SETBP1: variants seen among roughly 807,000 people sequenced by gnomAD.
The protein encoded by SETBP1 is SET-binding protein.
A neutral mutation model predicts 101.0 loss-of-function variants in SETBP1; 9 were observed. That is an observed-to-expected ratio of 0.09 (90% CI 0.05 to 0.16). SETBP1 has a LOEUF of 0.16. SETBP1 is among the 10% of genes least tolerant of loss of function. The pLI, the probability that SETBP1 is intolerant of heterozygous loss-of-function variation, is 1.00. For missense variants in SETBP1, 1,858 were observed against 2,033.8 expected, an observed-to-expected ratio of 0.91 and a Z score of 1.66; for synonymous variants, 818 against 788.5, an observed-to-expected ratio of 1.04 and a Z score of -0.63.
intron 4 of SETBP1, among the ~76,000 whole-genome samples, chr18:44,967,134 A>G (rs1240047091): frequency 1.3e-5 from 2 of 152,250 alleles, no homozygotes; most frequent in Non-Finnish European, 2.9e-5. Context: ...AGGGAAAGGC[A>G]GAAATTAGCT....
intron 2 of SETBP1, among the ~76,000 whole-genome samples, chr18:44,857,767 A>C (rs1161829873): frequency 1.3e-5 from 2 of 152,196 alleles, no homozygotes; most frequent in Admixed American, 6.5e-5. Flanking sequence ...TGAGTCAAGC[A>C]TACGTGTGAG....
At chr18:45,056,199 G>A (rs570247682) in intron 5 of SETBP1, among the ~76,000 whole-genome samples, 2 of 152,314 alleles carry the variant, frequency 1.3e-5, no homozygotes, top group South Asian at 2.1e-4. Flanking sequence ...GGTATATAAA[G>A]TATTGTATGG....
chr18:44,943,020 G>T (rs1045329471), intron 3 of SETBP1, among the ~76,000 whole-genome samples: 11 of 152,182 alleles, frequency 7.2e-5, no homozygotes, highest in African/African-American at 1.9e-4. Context: ...GCTTCTCTGT[G>T]TCCATTGGAA....
In SETBP1 at chr18:44,952,960, A is replaced by G; in HGVS notation, c.3620A>G (p.Lys1207Arg). Reference protein sequence around the residue: ...LPLVSEKNKHKEKQKHQHSEA... With the variant: ...LPLVSEKNKHREKQKHQHSEA... ...CTGGTGAGTGAGAAGAACAAGCATA[A>G]GGAGAAACAGAAGCACCAGCACAGC... The change falls in exon 4 of 6, where the codon AAG becomes AGG. Residue 1207 changes from lysine (K) to arginine (R), a missense_variant. Lys to Arg is a conservative substitution (Grantham distance 26). Coordinates refer to ENST00000649279, the MANE Select transcript of SETBP1 (RefSeq NM_015559.3). The G allele has an allele frequency of 6.2e-7, 1 of 1,614,198 alleles. No individual in the cohort carries two copies. The highest frequency in any genetic ancestry group is 8.5e-7 in the Non-Finnish European group (1 of 1,180,028).
intron 3 of SETBP1, chr18:44,871,557 T>A (rs2069275152): frequency 6.6e-6 from 1 of 152,244 alleles, no homozygotes. Flanking sequence ...TGATGCCTGT[T>A]CCTGCTTTAG....
chr18:45,020,686 C>A (rs1235896727), intron 4 of SETBP1, among the ~76,000 whole-genome samples: 1 of 152,178 alleles, frequency 6.6e-6, no homozygotes, highest in Non-Finnish European at 1.5e-5. Context: ...ATAAGTGAGT[C>A]TGGAAATCCC....
At chr18:44,822,336 A>G (rs976615512) in intron 2 of SETBP1, among the ~76,000 whole-genome samples, 5 of 152,166 alleles carry the variant, frequency 3.3e-5, no homozygotes, top group Admixed American at 2.6e-4. Context: ...GAGAGTGACC[A>G]TGTCTTATCC....
intron 3 of SETBP1, among the ~76,000 whole-genome samples, chr18:44,913,576 C>T (rs2070362042): frequency 6.6e-6 from 1 of 152,224 alleles, no homozygotes; most frequent in Non-Finnish European, 1.5e-5. Context: ...GCCTGGAAAA[C>T]AGAAGGAGAT....
chr18:44,843,001 A>T (rs1474731806), intron 2 of SETBP1, among the ~76,000 whole-genome samples: 1 of 152,246 alleles, frequency 6.6e-6, no homozygotes, highest in Non-Finnish European at 1.5e-5. Flanking sequence ...CCAGGGTCTG[A>T]CAGCTGGTCA....
intron 4 of SETBP1, among the ~76,000 whole-genome samples, chr18:44,965,793 G>A (rs982506764): frequency 2.0e-4 from 30 of 152,280 alleles, no homozygotes; most frequent in African/African-American, 6.7e-4. Context: ...TCTTATAGAG[G>A]AGAATTCTGT....
intron 2 of SETBP1, among the ~76,000 whole-genome samples, chr18:44,743,595 G>A (rs2070148498): frequency 6.6e-6 from 1 of 152,196 alleles, no homozygotes; most frequent in Non-Finnish European, 1.5e-5. Flanking sequence ...TACAACGTGG[G>A]ATATGGCTGT....
intron 3 of SETBP1, among the ~76,000 whole-genome samples, chr18:44,895,759 A>C (rs1599289787): frequency 6.6e-6 from 1 of 152,294 alleles, no homozygotes; most frequent in East Asian, 1.9e-4. Flanking sequence ...TGTTGGGTTT[A>C]GCATGCAATT....
In SETBP1 at chr18:44,796,972, G is replaced by C. The variant is rs1032631473; in HGVS notation, c.487-72258G>C. ...TTCTGGACTTCCGCCTACCTGAAGG[G>C]GGGTAAATGAGGCCTCAGGAATGCA... On this transcript the variant is annotated intron_variant, in intron 2 of 5. Transcript: ENST00000649279. Among the ~76,000 whole-genome samples, 4 of 152,220 alleles carry C rather than the reference G, an allele frequency of 2.6e-5. No individual in the cohort carries two copies. In the East Asian group the frequency reaches 5.8e-4, roughly 22 times the overall value.
At chr18:44,806,441 G>A (rs1037388943) in intron 2 of SETBP1, among the ~76,000 whole-genome samples, 8 of 151,538 alleles carry the variant, frequency 5.3e-5, no homozygotes, top group Non-Finnish European at 8.8e-5. Context: ...TCTCTGTCTC[G>A]CTGTATGTGT....
At chr18:44,923,851 T>C (rs1423813451) in intron 3 of SETBP1, among the ~76,000 whole-genome samples, 1 of 152,160 alleles carries the variant, frequency 6.6e-6, no homozygotes, top group East Asian at 1.9e-4. Flanking sequence ...AGTGCCCTAA[T>C]GCTACCTGGA....
intron 2 of SETBP1, among the ~76,000 whole-genome samples, chr18:44,786,224 C>G (rs1416590962): frequency 6.6e-6 from 1 of 152,114 alleles, no homozygotes; most frequent in Non-Finnish European, 1.5e-5. Flanking sequence ...GATACTTTTT[C>G]TAAAGTTTTT....
intron 2 of SETBP1, among the ~76,000 whole-genome samples, chr18:44,835,192 G>A (rs1444442264): frequency 1.3e-5 from 2 of 152,154 alleles, no homozygotes; most frequent in African/African-American, 4.8e-5. Flanking sequence ...CAGAGGAGTA[G>A]CCATGCAGTG....
chr18:44,680,228 G>A (rs2068736338), upstream of SETBP1: 1 of 145,466 alleles, frequency 6.9e-6, no homozygotes, highest in African/African-American at 2.5e-5. Context: ...CGCGCCCGGG[G>A]GCCCCGGCGC....
intron 3 of SETBP1, among the ~76,000 whole-genome samples, chr18:44,922,073 C>A (rs2070594403): frequency 6.6e-6 from 1 of 152,124 alleles, no homozygotes; most frequent in Non-Finnish European, 1.5e-5. Flanking sequence ...AAGAGATACC[C>A]AAATATTCCA....
Sources: allele counts gnomAD v4.1 joint callset (sites outside exome capture counted in the v4.1 genomes callset), GRCh38; gene constraint gnomAD v4.1.1; transcripts MANE v1.5; gene names NCBI Gene and HGNC (gene_info 2026-07-23, HGNC 2026-07-21).